BEGAIN: variants seen among roughly 807,000 people sequenced by gnomAD.
The protein encoded by BEGAIN is brain enriched guanylate kinase associated.
Under a neutral mutation model 35.8 loss-of-function variants are expected in BEGAIN, and 19 were observed. The observed-to-expected ratio is 0.53, with a 90% confidence interval of 0.37 to 0.78. BEGAIN has a LOEUF of 0.78. Among genes scored for constraint, BEGAIN ranks in the 30% least tolerant of loss-of-function variants. BEGAIN has a pLI of 0.00. For synonymous variants in BEGAIN, 462 were observed against 388.6 expected, an observed-to-expected ratio of 1.19 and a Z score of -2.22; for missense variants, 795 against 853.6, an observed-to-expected ratio of 0.93 and a Z score of 0.85.
rs549523236 is a variant in BEGAIN at position 100,561,578 on chromosome 14, G to T, written c.71+6333C>A. Among the ~76,000 whole-genome samples, 314 of 152,244 alleles carry T rather than the reference G, an allele frequency of 2.1e-3. 2 individuals are homozygous for T. Among genetic ancestry groups the T allele is most frequent in the Non-Finnish European group, 3.7e-3 (255 of 68,014 alleles). Reference sequence around the variant, plus strand: ...AGCCTGGGCGACATGGTGACACCCTGTCTCTACCAAAAATACAAAATTAGC... The same window carrying T: ...AGCCTGGGCGACATGGTGACACCCTTTCTCTACCAAAAATACAAAATTAGC... On this transcript the variant is annotated intron_variant, in intron 2 of 6. Coordinates refer to ENST00000554140, the MANE Select transcript of BEGAIN (RefSeq NM_001385089.1).
chr14:100,582,741 C>T (rs1172918777), intron 1 of BEGAIN, among the ~76,000 whole-genome samples: 1 of 152,136 alleles, frequency 6.6e-6, no homozygotes, highest in African/African-American at 2.4e-5. Context: ...AGAGGTCTCA[C>T]TGCTTCTTCC....
chr14:100,538,482 C>A lies in BEGAIN; in HGVS notation c.1326G>T (p.Val442=). The change falls in exon 7 of 7, where the codon GTG becomes GTT. Residue 442 remains valine, a synonymous_variant. Coordinates refer to ENST00000554140, the MANE Select transcript of BEGAIN (RefSeq NM_001385089.1). ...GGTAGGAGTAGGCGCCGATGTCCTCCACGCTCAGGGGACGCCACTGGCCCC... is the reference window on the plus strand; with the variant it reads ...GGTAGGAGTAGGCGCCGATGTCCTCAACGCTCAGGGGACGCCACTGGCCCC... The part of the protein sequence containing the change: ...DMRGQWRPLS[V]EDIGAYSYPV... The A allele has an allele frequency of 6.4e-7, 1 of 1,560,544 alleles. No homozygotes were observed. The highest frequency in any genetic ancestry group is 8.6e-7 in the Non-Finnish European group (1 of 1,158,094).
intron 1 of BEGAIN, among the ~76,000 whole-genome samples, chr14:100,581,351 G>A (rs1198927945): frequency 1.3e-5 from 2 of 152,182 alleles, no homozygotes; most frequent in East Asian, 3.9e-4. Context: ...ACAACCTGCT[G>A]GCTCTCAGGC....
intron 2 of BEGAIN, 167 bp from the exon 3 acceptor site, chr14:100,546,829 C>A: frequency 1.8e-6 from 1 of 550,934 alleles, no homozygotes; most frequent in South Asian, 3.2e-5. Flanking sequence ...CACACCCAGC[C>A]TCCCGGGCGT....
At chr14:100,585,016 G>C (rs2035403334) in intron 1 of BEGAIN, among the ~76,000 whole-genome samples, 1 of 152,046 alleles carries the variant, frequency 6.6e-6, no homozygotes, top group African/African-American at 2.4e-5. Context: ...CTTGAGACTT[G>C]AACACTCTAC....
intron 1 of BEGAIN, among the ~76,000 whole-genome samples, chr14:100,571,951 G>A (rs1236920237): frequency 2.0e-5 from 3 of 152,172 alleles, no homozygotes; most frequent in Admixed American, 6.5e-5. Flanking sequence ...CCATTCTGCC[G>A]CTGCATCTCC....
Position 100,583,929 on chromosome 14 carries a change from C to A in BEGAIN, c.42+3320G>T, listed in dbSNP as rs1000454711. Among the ~76,000 whole-genome samples, 24 of 152,258 alleles carry A rather than the reference C, an allele frequency of 1.6e-4. 1 individual carries two copies. The highest frequency in any genetic ancestry group is 5.5e-4 in the African/African-American group (23 of 41,550). On this transcript the variant is annotated intron_variant, in intron 1 of 6. Coordinates refer to ENST00000554140, the MANE Select transcript of BEGAIN (RefSeq NM_001385089.1). ...GGTCAGGCTGGTCTTGAACTCCTGA[C>A]CTCAGGTGGTCCACTCACCTTGGCC...
At chr14:100,578,796 C>T (rs759573617) in intron 1 of BEGAIN, among the ~76,000 whole-genome samples, 30 of 151,296 alleles carry the variant, frequency 2.0e-4, no homozygotes, top group Non-Finnish European at 3.7e-4. Context: ...AAAAGGAATC[C>T]GGATATCTCA....
Position 100,581,199 on chromosome 14 carries a change from AG to A in BEGAIN, c.42+6049del, listed in dbSNP as rs376369502. 7.0e-3 allele frequency among the ~76,000 whole-genome samples: 1,064 copies of A among 152,348 alleles called. 15 individuals are homozygous for A. Among genetic ancestry groups the A allele is most frequent in the African/African-American group, 0.025 (1,043 of 41,578 alleles). ...GGAAGTGGCATGAGCAAGGGACTTC[AG>A]GACTCATTAGCACTGGGGCTCTGAT... On this transcript the variant is annotated intron_variant, in intron 1 of 6. Coordinates refer to ENST00000554140, the MANE Select transcript of BEGAIN (RefSeq NM_001385089.1).
In BEGAIN at chr14:100,539,168, G is replaced by C. The variant is rs2140431114; in HGVS notation, c.640C>G (p.Leu214Val). 2 of 1,586,854 alleles carry C rather than the reference G, an allele frequency of 1.3e-6. No homozygotes were observed. Among genetic ancestry groups the C allele is most frequent in the Admixed American group, 3.5e-5 (2 of 57,952 alleles). The change falls in exon 7 of 7, where the codon CTG becomes GTG. Residue 214 changes from leucine (L) to valine (V), a missense_variant. By Grantham distance (32) the Leu-to-Val change is conservative. Around this residue, in one of 3 missense-constraint regions of BEGAIN, gnomAD observed 664 missense variants for 647.7 expected, o/e 1.03. Coordinates refer to ENST00000554140, the MANE Select transcript of BEGAIN (RefSeq NM_001385089.1). ...KVLEKPDPAS[L>V]SSRLSDASAR... ...GAGGCATCGGACAGGCGGGAGGACA[G>C]GCTGGCGGGGTCCGGCTTCTCCAGC...
At chr14:100,546,749 A>T in intron 2 of BEGAIN, 87 bp from the exon 3 acceptor site, 8 of 1,289,178 alleles carry the variant, frequency 6.2e-6, no homozygotes, top group Non-Finnish European at 8.1e-6. Context: ...GTGCCGCACT[A>T]ACACGCGAGT....
At chr14:100,544,495 C>A (rs1411152610) in intron 4 of BEGAIN, among the ~76,000 whole-genome samples, 1 of 152,322 alleles carries the variant, frequency 6.6e-6, no homozygotes, top group African/African-American at 2.4e-5. Context: ...GGGAGTGGCA[C>A]CAGAAACCCA....
In BEGAIN at chr14:100,563,925, G is replaced by C. The variant is rs924642949; in HGVS notation, c.71+3986C>G. On this transcript the variant is annotated intron_variant, in intron 2 of 6. Coordinates refer to ENST00000554140, the MANE Select transcript of BEGAIN (RefSeq NM_001385089.1). This position sits in a 1 kb window ranked among gnomAD's most constrained non-coding sequence, Gnocchi z 4.2. ...AAAAAAAGCCACCCCCAAAACACAGGCTGAAGGAATCCAGGTATGAGGTCC... is the reference window on the plus strand; with the variant it reads ...AAAAAAAGCCACCCCCAAAACACAGCCTGAAGGAATCCAGGTATGAGGTCC... 1.3e-5 allele frequency among the ~76,000 whole-genome samples: 2 copies of C among 152,200 alleles called. No homozygotes were observed. Among genetic ancestry groups the C allele is most frequent in the African/African-American group, 2.4e-5 (1 of 41,444 alleles).
rs1457681339 is a variant in BEGAIN at position 100,553,085 on chromosome 14, C to CT, written c.72-6424dup. The stretch of plus-strand genomic sequence containing the variant: ...CACATCTCCTCTCAGGACTTGGACC[C>CT]TGGGGGCGGCACTGTCAACAGACGC... On this transcript the variant is annotated intron_variant, in intron 2 of 6. Coordinates refer to ENST00000554140, the MANE Select transcript of BEGAIN (RefSeq NM_001385089.1). Among the ~76,000 whole-genome samples, 18 of 152,148 alleles carry CT rather than the reference C, an allele frequency of 1.2e-4. 1 individual carries two copies. The highest frequency in any genetic ancestry group is 1.1e-3 in the Admixed American group (17 of 15,288).
intron 2 of BEGAIN, among the ~76,000 whole-genome samples, chr14:100,556,611 T>C (rs2033750253): frequency 6.6e-6 from 1 of 152,146 alleles, no homozygotes. Context: ...AGCCCTCTTC[T>C]CCATCCTCAC....
At chr14:100,546,900 C>T (rs571387936) in intron 2 of BEGAIN, 8 of 404,156 alleles carry the variant, frequency 2.0e-5, no homozygotes, top group Non-Finnish European at 3.5e-5. Context: ...CTGGCCTGGG[C>T]GGTTCCTCAG....
At chr14:100,570,454 G>A (rs1049100705) in intron 1 of BEGAIN, among the ~76,000 whole-genome samples, 1 of 152,184 alleles carries the variant, frequency 6.6e-6, no homozygotes, top group Non-Finnish European at 1.5e-5. Context: ...CATTGCCTTC[G>A]GGGCAACCAC....
intron 2 of BEGAIN, among the ~76,000 whole-genome samples, chr14:100,553,048 G>A (rs918933779): frequency 5.3e-5 from 8 of 152,170 alleles, no homozygotes; most frequent in East Asian, 1.9e-4. Context: ...GGTTTTGTCC[G>A]TGCCTCCAGG....
At chr14:100,585,861 G>C (rs919720678) in intron 1 of BEGAIN, among the ~76,000 whole-genome samples, 21 of 152,262 alleles carry the variant, frequency 1.4e-4, no homozygotes, top group African/African-American at 5.1e-4. Flanking sequence ...CAAAAGCTGG[G>C]GAGGGCCCTT....
Sources: gnomAD v4.1 joint callset for allele counts (sites outside exome capture counted in the v4.1 genomes callset) on GRCh38, gnomAD v4.1.1 for gene constraint, gnomAD v4.1.1 regional missense constraint, Gnocchi (gnomAD v3.1) non-coding constraint, MANE v1.5 for transcripts, NCBI Gene and HGNC (gene_info 2026-07-23, HGNC 2026-07-21) for gene names.